ANKMY1: variants seen among roughly 807,000 people sequenced by gnomAD.
ANKMY1 encodes ankyrin repeat and MYND domain-containing protein 1.
A neutral mutation model predicts 102.0 loss-of-function variants in ANKMY1; 98 were observed. The ratio of observed to expected loss-of-function variants is 0.96; its 90% CI spans 0.82 to 1.14. ANKMY1 has a LOEUF of 1.14. Among genes scored for constraint, ANKMY1 ranks in the 50% most tolerant of loss-of-function variants. The pLI, the probability that ANKMY1 is intolerant of heterozygous loss-of-function variation, is 0.00. For synonymous variants in ANKMY1, 582 were observed against 559.9 expected (o/e 1.04, Z -0.56); for missense variants, 1,330 against 1,347.6 (o/e 0.99, Z 0.20).
chr2:240,500,131 A>T lies in ANKMY1; in HGVS notation c.2641-8T>A. On this transcript the variant is annotated splice_region_variant and splice_polypyrimidine_tract_variant and intron_variant, in intron 14 of 17. Transcript: ENST00000401804. Reference sequence around the variant, plus strand: ...GCGGGCAATCCTCCGGTCCTGCGGCACAGCACCAGGGTCACCACAGGGTCC... The same window carrying T: ...GCGGGCAATCCTCCGGTCCTGCGGCTCAGCACCAGGGTCACCACAGGGTCC... The T allele has an allele frequency of 6.3e-7, 1 of 1,590,910 alleles. No homozygotes were observed. The highest frequency in any genetic ancestry group is 8.6e-7 in the Non-Finnish European group (1 of 1,169,188).
intron 5 of ANKMY1, among the ~76,000 whole-genome samples, chr2:240,528,143 T>C (rs2084314252): frequency 2.0e-5 from 3 of 151,914 alleles, no homozygotes; most frequent in African/African-American, 4.8e-5. Flanking sequence ...AAAAATTAGC[T>C]GGGCGTGGTG....
At chr2:240,526,115 G>A in intron 6 of ANKMY1, 114 bp downstream of exon 6, 1 of 1,282,558 alleles carries the variant, frequency 7.8e-7, no homozygotes, top group Non-Finnish European at 1.1e-6. Flanking sequence ...GACAATCAGT[G>A]TCCCCATGTA....
chr2:240,497,608 G>C (rs944657095), intron 15 of ANKMY1, among the ~76,000 whole-genome samples: 6 of 152,220 alleles, frequency 3.9e-5, no homozygotes, highest in Non-Finnish European at 8.8e-5. Context: ...GGCTTCTCCT[G>C]TCTCTCTTTT....
intron 16 of ANKMY1, 125 bp downstream of exon 16, chr2:240,482,058 A>T: frequency 9.3e-7 from 1 of 1,079,444 alleles, no homozygotes; most frequent in Non-Finnish European, 1.4e-6. Flanking sequence ...AGAGGAGGCC[A>T]TGCCACTTGG....
chr2:240,545,241 C>T (rs1465258815), intron 4 of ANKMY1, among the ~76,000 whole-genome samples: 1 of 152,212 alleles, frequency 6.6e-6, no homozygotes, highest in Non-Finnish European at 1.5e-5. Flanking sequence ...CACCCCCCAG[C>T]AGGGGCAGAC....
intron 5 of ANKMY1, chr2:240,527,656 G>A (rs2084009346): frequency 2.6e-5 from 4 of 151,086 alleles, no homozygotes; most frequent in African/African-American, 4.9e-5. Flanking sequence ...ACGGGTGGGT[G>A]GGTGGACAAA....
intron 4 of ANKMY1, among the ~76,000 whole-genome samples, chr2:240,549,535 G>A (rs1417551877): frequency 2.6e-5 from 4 of 152,190 alleles, no homozygotes; most frequent in African/African-American, 9.7e-5. Context: ...AAATTAAAGA[G>A]CTTCTGCACA....
At chr2:240,480,396 C>G (rs1386461641) in intron 17 of ANKMY1, among the ~76,000 whole-genome samples, 1 of 152,226 alleles carries the variant, frequency 6.6e-6, no homozygotes, top group Non-Finnish European at 1.5e-5. Flanking sequence ...CCTTGCGGCA[C>G]CGGGCCCTGT....
chr2:240,543,134 G>C (rs895836540), intron 4 of ANKMY1, among the ~76,000 whole-genome samples: 83 of 152,078 alleles, frequency 5.5e-4, no homozygotes, highest in Non-Finnish European at 1.2e-3. Context: ...CAGATCATGA[G>C]GTCAGGAGAT....
At chr2:240,492,813 C>T (rs55925198) in intron 15 of ANKMY1, among the ~76,000 whole-genome samples, 6,058 of 152,180 alleles carry the variant, frequency 0.04, 149 homozygotes, top group Middle Eastern at 0.065. Flanking sequence ...GCCTCAGCCT[C>T]GCTAGTGGCT....
chr2:240,521,341 C>T (rs2082214449), intron 8 of ANKMY1, among the ~76,000 whole-genome samples: 1 of 152,180 alleles, frequency 6.6e-6, no homozygotes, highest in African/African-American at 2.4e-5. Context: ...GCCCAGGGAG[C>T]TGCGTTGACG....
Position 240,480,995 on chromosome 2 carries a change from G to T in ANKMY1, c.2988C>A (p.Cys996Ter), listed in dbSNP as rs778837107. The T allele has an allele frequency of 1.1e-5, 17 of 1,613,974 alleles. No homozygotes were observed. Among genetic ancestry groups the T allele is most frequent in the Non-Finnish European group, 1.4e-5 (16 of 1,179,870 alleles). Reference protein sequence around the residue: ...CYGILTCSKYCKTKAWTEFHK... With the variant: ...CYGILTCSKY Reference sequence around the variant, plus strand: ...GGAACTCGGTCCAGGCCTTGGTCTTGCAGTACTTGCTGCAGGTCAGGATCC... The same window carrying T: ...GGAACTCGGTCCAGGCCTTGGTCTTTCAGTACTTGCTGCAGGTCAGGATCC... The change falls in exon 17 of 18, where the codon TGC becomes TGA. Residue 996 changes from cysteine (C) to a stop codon, truncating the protein, a stop_gained. Coordinates refer to ENST00000401804, the MANE Select transcript of ANKMY1 (RefSeq NM_001282771.3). LOFTEE classifies it high-confidence loss of function.
chr2:240,561,049 G>T, upstream of ANKMY1: 1 of 1,506,358 alleles, frequency 6.6e-7, no homozygotes, highest in South Asian at 1.3e-5. Context: ...ATGCGGCACC[G>T]CGGCCTCAGC....
chr2:240,520,463 G>A lies in ANKMY1; in HGVS notation c.1903C>T (p.Pro635Ser), dbSNP rs769952495. ...RGADPNLCCV[P>S]MQVLFLAVKA... ...ACAGCAAGGAACAGGACCTGCATGGGCACGCAGCACAGGTTGGGGTCCGCG... is the reference window on the plus strand; with the variant it reads ...ACAGCAAGGAACAGGACCTGCATGGACACGCAGCACAGGTTGGGGTCCGCG... The change falls in exon 9 of 18, where the codon CCC becomes TCC. Residue 635 changes from proline to serine, a missense_variant. Transcript: ENST00000401804. The surrounding 1 kb of genome is among the most constrained non-coding windows in gnomAD (Gnocchi z 4.8). 5.0e-6 allele frequency: 8 copies of A among 1,613,412 alleles called. 1 individual carries two copies. In the South Asian group the frequency reaches 8.8e-5, roughly 18 times the overall value.
intron 4 of ANKMY1, among the ~76,000 whole-genome samples, chr2:240,545,681 G>C (rs1018245520): frequency 7.9e-5 from 12 of 152,160 alleles, no homozygotes; most frequent in African/African-American, 2.9e-4. Context: ...TGATGGAGCT[G>C]AAAACCAAGG....
At chr2:240,512,695 A>G in intron 10 of ANKMY1, 107 bp downstream of exon 10, 1 of 1,384,060 alleles carries the variant, frequency 7.2e-7, no homozygotes, top group Non-Finnish European at 9.6e-7. Context: ...GCCCCAAGCC[A>G]GGAGGCCCAT....
the ANKMY1 span, among the ~76,000 whole-genome samples, chr2:240,472,891 G>A: frequency 6.6e-6 from 1 of 152,284 alleles, no homozygotes; most frequent in African/African-American, 2.4e-5. Context: ...TTGGGAGGCT[G>A]AGGCAGGTAG....
chr2:240,470,501 C>T, the ANKMY1 span, among the ~76,000 whole-genome samples: 1 of 152,294 alleles, frequency 6.6e-6, no homozygotes, highest in Admixed American at 6.5e-5. Context: ...CAAAGCAAAA[C>T]CAGTGAGTCT....
intron 1 of ANKMY1, 166 bp from the exon 2 acceptor site, chr2:240,557,518 T>C (rs2092507383): frequency 5.8e-6 from 4 of 694,886 alleles, no homozygotes; most frequent in Non-Finnish European, 8.5e-6. Context: ...CCACCATCCC[T>C]GGGAGTCCTC....
Sources: allele counts gnomAD v4.1 joint callset (sites outside exome capture counted in the v4.1 genomes callset), GRCh38; gene constraint gnomAD v4.1.1; non-coding constraint Gnocchi (gnomAD v3.1); transcripts MANE v1.5; gene names NCBI Gene and HGNC (gene_info 2026-07-23, HGNC 2026-07-21).